GRM8: variants seen among roughly 807,000 people sequenced by gnomAD.
The protein encoded by GRM8 is glutamate metabotropic receptor 8, also known as metabotropic glutamate receptor 8.
A neutral mutation model predicts 87.2 loss-of-function variants in GRM8; 47 were observed. The ratio of observed to expected loss-of-function variants is 0.54; its 90% CI spans 0.43 to 0.69. The LOEUF is 0.69. Among genes scored for constraint, GRM8 ranks in the 30% least tolerant of loss-of-function variants. GRM8 has a pLI of 0.00. For synonymous variants in GRM8, 396 were observed against 404.5 expected, an observed-to-expected ratio of 0.98 and a Z score of 0.25; for missense variants, 1,019 against 1,139.2, an observed-to-expected ratio of 0.89 and a Z score of 1.52.
chr7:126,524,942 T>A (rs918913321), intron 9 of GRM8, among the ~76,000 whole-genome samples: 2 of 152,216 alleles, frequency 1.3e-5, no homozygotes, highest in Non-Finnish European at 1.5e-5. Flanking sequence ...AAGAACATTT[T>A]CTTATATTTC....
intron 7 of GRM8, among the ~76,000 whole-genome samples, chr7:126,688,785 A>G (rs1808459271): frequency 6.9e-6 from 1 of 145,056 alleles, no homozygotes; most frequent in African/African-American, 2.8e-5. Flanking sequence ...CACAGTGTCT[A>G]TGGCATGTAA....
At chr7:127,049,037 T>G (rs1046401406) in intron 3 of GRM8, among the ~76,000 whole-genome samples, 2 of 152,192 alleles carry the variant, frequency 1.3e-5, no homozygotes, top group African/African-American at 2.4e-5. Context: ...TATATTCTTA[T>G]TCTCCCATAG....
intron 9 of GRM8, among the ~76,000 whole-genome samples, chr7:126,464,340 T>C (rs936427428): frequency 6.6e-6 from 1 of 151,750 alleles, no homozygotes; most frequent in African/African-American, 2.4e-5. Flanking sequence ...TCTATGCATC[T>C]TTATGGTGAA....
At chr7:126,983,882 G>A (rs959902504) in intron 3 of GRM8, among the ~76,000 whole-genome samples, 1 of 152,210 alleles carries the variant, frequency 6.6e-6, no homozygotes, top group African/African-American at 2.4e-5. Flanking sequence ...ATGGGTAGGA[G>A]AAGAGTGTAG....
chr7:126,668,333 C>T (rs193068422), intron 7 of GRM8, among the ~76,000 whole-genome samples: 116 of 152,296 alleles, frequency 7.6e-4, no homozygotes, highest in Non-Finnish European at 3.2e-4. Flanking sequence ...CATTTTTGGC[C>T]TGCAACGTGG....
At chr7:127,170,985 T>C (rs1222658444) in intron 2 of GRM8, among the ~76,000 whole-genome samples, 2 of 151,790 alleles carry the variant, frequency 1.3e-5, no homozygotes, top group Non-Finnish European at 2.9e-5. Context: ...CCCAAAAACA[T>C]ATTGAAATAA....
intron 1 of GRM8, among the ~76,000 whole-genome samples, chr7:127,248,958 A>C (rs532320927): frequency 6.6e-6 from 1 of 152,300 alleles, no homozygotes; most frequent in Admixed American, 6.5e-5. Context: ...TGAGCATCTA[A>C]ATCGCTATTC....
At chr7:127,170,518 A>G (rs1368157318) in intron 2 of GRM8, among the ~76,000 whole-genome samples, 4 of 152,234 alleles carry the variant, frequency 2.6e-5, no homozygotes. Flanking sequence ...AGAAGTCATT[A>G]CATAAAAAAG....
At chr7:126,483,965 C>T (rs1235154424) in intron 9 of GRM8, among the ~76,000 whole-genome samples, 2 of 151,942 alleles carry the variant, frequency 1.3e-5, no homozygotes, top group African/African-American at 4.8e-5. Flanking sequence ...ACCCTTATAA[C>T]CAGACTTGAG....
At chr7:126,473,875 C>T (rs1273803496) in intron 9 of GRM8, among the ~76,000 whole-genome samples, 3 of 152,124 alleles carry the variant, frequency 2.0e-5, no homozygotes, top group Non-Finnish European at 4.4e-5. Flanking sequence ...AACACACTCT[C>T]TTGCCTGTCA....
intron 8 of GRM8, among the ~76,000 whole-genome samples, chr7:126,571,820 A>C (rs978818939): frequency 7.3e-5 from 11 of 150,822 alleles, no homozygotes; most frequent in Non-Finnish European, 1.3e-4. Context: ...GGCTCACTGC[A>C]ACCTCTGCCT....
intron 3 of GRM8, among the ~76,000 whole-genome samples, chr7:126,994,504 G>A (rs1812987178): frequency 6.6e-6 from 1 of 152,132 alleles, no homozygotes; most frequent in Non-Finnish European, 1.5e-5. Context: ...CCAAAGGGGA[G>A]CCCACTTCCC....
At chr7:127,146,748 C>T (rs1828575008) in intron 2 of GRM8, among the ~76,000 whole-genome samples, 1 of 152,032 alleles carries the variant, frequency 6.6e-6, no homozygotes, top group Admixed American at 6.6e-5. Flanking sequence ...TCACAAACAT[C>T]CCTCTGTTTA....
At chr7:127,157,363 GT>G (rs915275483) in intron 2 of GRM8, among the ~76,000 whole-genome samples, 2 of 152,080 alleles carry the variant, frequency 1.3e-5, no homozygotes, top group Non-Finnish European at 2.9e-5. Flanking sequence ...TTCTTAACTT[GT>G]TTTGGTGCCA....
At chr7:126,988,848 T>G (rs1812366272) in intron 3 of GRM8, among the ~76,000 whole-genome samples, 1 of 152,218 alleles carries the variant, frequency 6.6e-6, no homozygotes, top group Non-Finnish European at 1.5e-5. Context: ...TCAAGTTGGC[T>G]TTGGCATTTA....
At chr7:126,526,677 T>G (rs945695449) in intron 9 of GRM8, among the ~76,000 whole-genome samples, 1 of 152,184 alleles carries the variant, frequency 6.6e-6, no homozygotes, top group Non-Finnish European at 1.5e-5. Flanking sequence ...CCCAAAAGAA[T>G]TCCTCCAAAT....
chr7:126,649,838 G>A (rs1267191891), intron 7 of GRM8, among the ~76,000 whole-genome samples: 1 of 152,174 alleles, frequency 6.6e-6, no homozygotes, highest in East Asian at 1.9e-4. Context: ...ACAGGCTGCT[G>A]TGCAAGCTGC....
Position 127,243,057 on chromosome 7 carries a change from C to T in GRM8, c.148G>A (p.Gly50Ser). 6.2e-7 allele frequency: 1 copy of T among 1,613,972 alleles called. No homozygotes were observed. The highest frequency in any genetic ancestry group is 8.5e-7 in the Non-Finnish European group (1 of 1,179,942). The change falls in exon 2 of 11, where the codon GGT (glycine) becomes AGT (serine). Residue 50 changes from glycine (G) to serine (S), a missense_variant. Coordinates refer to ENST00000339582, the MANE Select transcript of GRM8 (RefSeq NM_000845.3). ...IRVDGDIILGGLFPVHAKGER... is the reference protein window; with the variant it reads ...IRVDGDIILGSLFPVHAKGER... ...CCCTTTGCGTGGACAGGGAAGAGAC[C>T]CCCCAAAATAATGTCCCCATCCACC...
chr7:126,491,797 C>A (rs1808047010), intron 9 of GRM8, among the ~76,000 whole-genome samples: 1 of 152,038 alleles, frequency 6.6e-6, no homozygotes, highest in African/African-American at 2.4e-5. Flanking sequence ...AATAATGAAT[C>A]TGTGGATGTG....
Sources: allele counts gnomAD v4.1 joint callset (sites outside exome capture counted in the v4.1 genomes callset), GRCh38; gene constraint gnomAD v4.1.1; transcripts MANE v1.5; gene names NCBI Gene and HGNC (gene_info 2026-07-23, HGNC 2026-07-21).